The following DAB1 variants were observed in gnomAD, a reference collection of about 807,000 sequenced individuals.
DAB1 encodes the protein disabled homolog 1.
A neutral mutation model predicts 64.6 loss-of-function variants in DAB1; 15 were observed. The observed-to-expected ratio is 0.23, with a 90% CI of 0.16 to 0.36. The LOEUF (loss-of-function observed/expected upper bound fraction) is 0.36, where lower values mean the gene tolerates loss of function less well. DAB1 is among the 10% of genes least tolerant of loss of function. The probability of loss-of-function intolerance (pLI) is 1.00; values close to 1 mark genes in which losing one functional copy is unlikely to be tolerated. For synonymous variants in DAB1, 235 were observed against 251.9 expected (o/e 0.93, Z 0.64); for missense variants, 596 against 706.7 (o/e 0.84, Z 1.78).
intron 9 of DAB1, among the ~76,000 whole-genome samples, chr1:57,044,236 G>A (rs534839231): frequency 7.9e-5 from 12 of 152,294 alleles, no homozygotes; most frequent in Admixed American, 3.9e-4. Context: ...TTCCTTTTCT[G>A]TTGGCAGCCT....
At chr1:58,239,527 G>C (rs544978356) in intron 4 of DAB1, among the ~76,000 whole-genome samples, 48 of 152,326 alleles carry the variant, frequency 3.2e-4, no homozygotes, top group African/African-American at 1.1e-3. Flanking sequence ...CCTGTCTGGA[G>C]TAAGGAAAAG....
At chr1:57,401,970 T>C (rs1683277013) in intron 1 of DAB1, among the ~76,000 whole-genome samples, 1 of 152,194 alleles carries the variant, frequency 6.6e-6, no homozygotes, top group African/African-American at 2.4e-5. Flanking sequence ...AAAAGTAAGC[T>C]GTGTTCATGA....
chr1:57,418,475 T>C (rs907060847), intron 1 of DAB1, among the ~76,000 whole-genome samples: 10 of 152,064 alleles, frequency 6.6e-5, no homozygotes, highest in African/African-American at 2.2e-4. Context: ...AATATGAAGC[T>C]CGGAGCAGAT....
chr1:57,644,672 AAT>A (rs887632415), intron 7 of DAB1, among the ~76,000 whole-genome samples: 2 of 150,718 alleles, frequency 1.3e-5, no homozygotes, highest in African/African-American at 2.4e-5. Context: ...TACATTATAT[AAT>A]ATATATATAT....
chr1:57,199,338 C>A (rs1433010945), intron 2 of DAB1, among the ~76,000 whole-genome samples: 2 of 152,214 alleles, frequency 1.3e-5, no homozygotes, highest in African/African-American at 4.8e-5. Context: ...TCAGCAAGGG[C>A]AGCAGGACTG....
intron 5 of DAB1, among the ~76,000 whole-genome samples, chr1:58,141,901 C>T (rs1002897417): frequency 2.6e-5 from 4 of 152,112 alleles, no homozygotes; most frequent in African/African-American, 7.2e-5. Context: ...TACCTTCCAC[C>T]GCCTTTCCCT....
intron 9 of DAB1, among the ~76,000 whole-genome samples, chr1:57,054,470 C>CT (rs58175883): frequency 0.07 from 4,878 of 69,466 alleles, 333 homozygotes; most frequent in African/African-American, 0.095. Flanking sequence ...CAGGAATGTG[C>CT]TTTTTTTTTT....
intron 3 of DAB1, among the ~76,000 whole-genome samples, chr1:58,407,217 T>C (rs111246839): frequency 1.3e-5 from 2 of 152,160 alleles, no homozygotes; most frequent in African/African-American, 4.8e-5. Flanking sequence ...TTTGTCAGAT[T>C]TCTGTGCTGC....
At chr1:58,050,228 C>T (rs1182752155) in intron 5 of DAB1, among the ~76,000 whole-genome samples, 1 of 152,164 alleles carries the variant, frequency 6.6e-6, no homozygotes, top group Non-Finnish European at 1.5e-5. Context: ...GGGCCAGTTA[C>T]AACAGGCTCT....
chr1:58,354,049 C>G (rs1176259369), intron 3 of DAB1, among the ~76,000 whole-genome samples: 2 of 152,030 alleles, frequency 1.3e-5, no homozygotes, highest in Non-Finnish European at 2.9e-5. Context: ...TTTACTGAGG[C>G]TCTAGTATGC....
intron 4 of DAB1, among the ~76,000 whole-genome samples, chr1:58,263,370 TTTC>T (rs560209691): frequency 2.8e-4 from 42 of 152,332 alleles, no homozygotes; most frequent in African/African-American, 8.7e-4. Context: ...GTCGTTTATT[TTTC>T]CTCTCCCTGA....
intron 4 of DAB1, among the ~76,000 whole-genome samples, chr1:58,275,847 A>G (rs555059846): frequency 6.6e-6 from 1 of 152,348 alleles, no homozygotes; most frequent in East Asian, 1.9e-4. Context: ...AATTGAAAGC[A>G]TAGTCTCAAA....
intron 2 of DAB1, among the ~76,000 whole-genome samples, chr1:57,223,998 C>T (rs892481373): frequency 2.0e-5 from 3 of 152,152 alleles, no homozygotes; most frequent in Non-Finnish European, 4.4e-5. Flanking sequence ...GTGAGGTACT[C>T]CCCCTCCGAT....
At chr1:57,317,512 C>T (rs1333784659) in intron 1 of DAB1, among the ~76,000 whole-genome samples, 1 of 152,158 alleles carries the variant, frequency 6.6e-6, no homozygotes, top group East Asian at 1.9e-4. Flanking sequence ...CCTCTATGGG[C>T]CTGTCCTAAT....
At chr1:57,271,961 G>T (rs1671044891) in intron 2 of DAB1, among the ~76,000 whole-genome samples, 1 of 152,202 alleles carries the variant, frequency 6.6e-6, no homozygotes, top group Non-Finnish European at 1.5e-5. Context: ...GTGCAGATGG[G>T]ATCTTGGATG....
At chr1:58,331,969 T>C (rs1276992047) in intron 4 of DAB1, among the ~76,000 whole-genome samples, 2 of 152,200 alleles carry the variant, frequency 1.3e-5, no homozygotes, top group Non-Finnish European at 2.9e-5. Context: ...AAACGTACCT[T>C]TTGATGCTAA....
intron 4 of DAB1, among the ~76,000 whole-genome samples, chr1:57,081,082 C>A (rs1336454647): frequency 1.3e-5 from 2 of 152,246 alleles, no homozygotes; most frequent in East Asian, 3.9e-4. Flanking sequence ...TTGTGCTGTC[C>A]TGTCCCCATT....
chr1:58,232,769 G>A (rs1022206477), intron 4 of DAB1, among the ~76,000 whole-genome samples: 2 of 152,112 alleles, frequency 1.3e-5, no homozygotes, highest in South Asian at 2.1e-4. Flanking sequence ...TGGTGGCATC[G>A]CAGGTAGAGA....
intron 7 of DAB1, among the ~76,000 whole-genome samples, chr1:57,506,867 C>A (rs78819367): frequency 6.6e-6 from 1 of 152,190 alleles, no homozygotes; most frequent in African/African-American, 2.4e-5. Flanking sequence ...TGCCAACTCC[C>A]GTAGATTTGA....
Sources: allele counts gnomAD v4.1 joint callset (sites outside exome capture counted in the v4.1 genomes callset), GRCh38; gene constraint gnomAD v4.1.1; transcripts MANE v1.5; gene names NCBI Gene and HGNC (gene_info 2026-07-23, HGNC 2026-07-21).